RABGAP1L: variants seen among roughly 807,000 people sequenced by gnomAD.
RABGAP1L encodes rab GTPase-activating protein 1-like.
In RABGAP1L, 63 loss-of-function variants were observed where a neutral mutation model predicts 137.7. The ratio of observed to expected loss-of-function variants is 0.46; its 90% CI spans 0.37 to 0.56. The LOEUF (loss-of-function observed/expected upper bound fraction) is 0.56. Among genes scored for constraint, RABGAP1L ranks in the 20% least tolerant of loss-of-function variants. RABGAP1L has a pLI of 0.00. For missense variants in RABGAP1L, 1,095 were observed against 1,244.0 expected (o/e 0.88, Z 1.80); for synonymous variants, 431 against 433.7 (o/e 0.99, Z 0.08).
chr1:174,787,812 A>G (rs929676845), intron 18 of RABGAP1L, among the ~76,000 whole-genome samples: 1 of 152,228 alleles, frequency 6.6e-6, no homozygotes, highest in African/African-American at 2.4e-5. Context: ...GGGAGAAATA[A>G]TGAAGGCTTC....
At chr1:174,210,628 G>C (rs540310678) in intron 1 of RABGAP1L, among the ~76,000 whole-genome samples, 17 of 152,260 alleles carry the variant, frequency 1.1e-4, no homozygotes, top group African/African-American at 4.1e-4. Flanking sequence ...AAATCTAAAA[G>C]TTATTGGCCT....
chr1:174,774,970 C>G (rs1309122093), intron 18 of RABGAP1L, among the ~76,000 whole-genome samples: 1 of 152,062 alleles, frequency 6.6e-6, no homozygotes, highest in African/African-American at 2.4e-5. Context: ...AATGACTGGC[C>G]CCAAAAGGCA....
At chr1:174,511,939 T>C (rs1217478759) in intron 13 of RABGAP1L, among the ~76,000 whole-genome samples, 1 of 152,172 alleles carries the variant, frequency 6.6e-6, no homozygotes, top group African/African-American at 2.4e-5. Context: ...CAATAGCATG[T>C]AATTTTCTTA....
chr1:174,250,367 C>A, intron 5 of RABGAP1L, 108 bp from the exon 6 acceptor site: 1 of 726,634 alleles, frequency 1.4e-6, no homozygotes, highest in Non-Finnish European at 2.1e-6. Flanking sequence ...ATATATTCTG[C>A]CAAAGAAAAT....
intron 1 of RABGAP1L, among the ~76,000 whole-genome samples, chr1:174,215,563 T>C (rs2148448833): frequency 6.6e-6 from 1 of 152,092 alleles, no homozygotes; most frequent in African/African-American, 2.4e-5. Context: ...AAAAGGCATA[T>C]GAAAAGGTGC....
rs1016661681 is a variant in RABGAP1L at position 174,654,970 on chromosome 1, C to T, written c.1824+17482C>T. Among the ~76,000 whole-genome samples, 4 of 151,914 alleles carry T rather than the reference C, an allele frequency of 2.6e-5. No homozygotes were observed. In the South Asian group the frequency reaches 6.2e-4, roughly 24 times the overall value. ...ACTCATTTTTTATGATTAGATTCAA[C>T]AGAGAAAATGATACTGTTAAATTTA... On this transcript the variant is annotated intron_variant, in intron 14 of 25. Coordinates refer to ENST00000681986, the MANE Select transcript of RABGAP1L (RefSeq NM_001366446.1).
chr1:174,375,211 T>C (rs1051858416), intron 12 of RABGAP1L, among the ~76,000 whole-genome samples: 9 of 152,060 alleles, frequency 5.9e-5, no homozygotes, highest in Admixed American at 6.6e-5. Flanking sequence ...TATTATGCTT[T>C]TCTTTTTTGC....
intron 19 of RABGAP1L, among the ~76,000 whole-genome samples, chr1:174,846,163 C>G (rs1413000415): frequency 6.6e-6 from 1 of 150,414 alleles, no homozygotes; most frequent in Non-Finnish European, 1.5e-5. Context: ...TTTGTTGATC[C>G]TTTCAAAAAA....
chr1:174,665,505 G>T (rs1438666333), intron 14 of RABGAP1L, among the ~76,000 whole-genome samples: 1 of 147,950 alleles, frequency 6.8e-6, no homozygotes, highest in Non-Finnish European at 1.5e-5. Context: ...GCCCATGCTG[G>T]AGTGCAGTGG....
intron 19 of RABGAP1L, among the ~76,000 whole-genome samples, chr1:174,889,237 C>T (rs1316416382): frequency 6.6e-6 from 1 of 151,730 alleles, no homozygotes; most frequent in Non-Finnish European, 1.5e-5. Context: ...CATTCTTCTG[C>T]CTCAGCCTCC....
intron 18 of RABGAP1L, among the ~76,000 whole-genome samples, chr1:174,764,884 TA>T (rs1440250360): frequency 6.6e-6 from 1 of 152,222 alleles, no homozygotes; most frequent in African/African-American, 2.4e-5. Context: ...ACTCTCTTGA[TA>T]CCATAAAGCT....
At chr1:174,857,644 A>G (rs768549558) in intron 19 of RABGAP1L, among the ~76,000 whole-genome samples, 13 of 152,150 alleles carry the variant, frequency 8.5e-5, no homozygotes, top group Non-Finnish European at 1.6e-4. Flanking sequence ...ATACTGCTAT[A>G]TAGAACTGAT....
chr1:174,806,469 G>T (rs1353468044), intron 18 of RABGAP1L, among the ~76,000 whole-genome samples: 1 of 152,160 alleles, frequency 6.6e-6, no homozygotes, highest in Non-Finnish European at 1.5e-5. Flanking sequence ...TTTGCCAGGT[G>T]TGGTGGTGCA....
intron 11 of RABGAP1L, among the ~76,000 whole-genome samples, chr1:174,340,445 A>G (rs1681874215): frequency 6.6e-6 from 1 of 152,126 alleles, no homozygotes; most frequent in African/African-American, 2.4e-5. Context: ...CTCCCCAGAC[A>G]GGCCCCAGTG....
At chr1:174,905,931 C>T (rs78138631) in intron 19 of RABGAP1L, among the ~76,000 whole-genome samples, 3,150 of 152,154 alleles carry the variant, frequency 0.021, 49 homozygotes, top group Middle Eastern at 0.078. Flanking sequence ...AGATAGCCTA[C>T]AATATATAGA....
chr1:174,651,067 T>C (rs2148389753), intron 14 of RABGAP1L, among the ~76,000 whole-genome samples: 1 of 152,096 alleles, frequency 6.6e-6, no homozygotes, highest in Middle Eastern at 3.4e-3. Flanking sequence ...AGAACATCTT[T>C]ATTTCTGCCT....
At chr1:174,669,591 T>C (rs1225956340) in intron 14 of RABGAP1L, among the ~76,000 whole-genome samples, 2 of 152,206 alleles carry the variant, frequency 1.3e-5, no homozygotes, top group Non-Finnish European at 2.9e-5. Flanking sequence ...TCTCTTTATT[T>C]TCTTCTGGTA....
intron 15 of RABGAP1L, among the ~76,000 whole-genome samples, chr1:174,687,925 T>A (rs908012650): frequency 2.0e-5 from 3 of 152,216 alleles, no homozygotes; most frequent in African/African-American, 7.2e-5. Flanking sequence ...AATAAATAAT[T>A]AGCCTCTCCT....
At chr1:174,476,824 G>A (rs534376988) in intron 13 of RABGAP1L, among the ~76,000 whole-genome samples, 2 of 152,328 alleles carry the variant, frequency 1.3e-5, no homozygotes, top group African/African-American at 4.8e-5. Context: ...TGAGGACATA[G>A]GGCAAGAGAT....
Sources: gnomAD v4.1 joint callset for allele counts (sites outside exome capture counted in the v4.1 genomes callset) on GRCh38, gnomAD v4.1.1 for gene constraint, MANE v1.5 for transcripts, NCBI Gene and HGNC (gene_info 2026-07-23, HGNC 2026-07-21) for gene names.